The following TUBA1A variants were observed in gnomAD, a reference collection of about 807,000 sequenced individuals.
TUBA1A encodes the protein tubulin alpha-1A chain.
Under a neutral mutation model 34.6 loss-of-function variants are expected in TUBA1A, and 7 were observed. That is an observed-to-expected ratio of 0.20 (90% CI 0.11 to 0.38). The LOEUF is 0.38. TUBA1A is among the 10% of genes least tolerant of loss of function. The pLI is 1.00. For synonymous variants in TUBA1A, 193 were observed against 210.2 expected (o/e 0.92, Z 0.71); for missense variants, 19 against 581.3 (o/e 0.03, Z 9.95).
In TUBA1A at chr12:49,186,238, GA is replaced by G. The variant is rs937598816; in HGVS notation, c.375+71del. 18 of 1,604,752 alleles carry G rather than the reference GA, an allele frequency of 1.1e-5. No homozygotes were observed. The highest frequency in any genetic ancestry group is 2.2e-4 in the Middle Eastern group (1 of 4,486). On this transcript the variant is annotated intron_variant, in intron 3 of 3. Transcript: ENST00000301071. The surrounding 1 kb of genome is among the most constrained non-coding windows in gnomAD (Gnocchi z 6.6). ...AAAATAACAGTTCAATTCTGTGTTTGAAAAAAAAAGCATTATTTCAAATGTG... is the reference window on the plus strand; with the variant it reads ...AAAATAACAGTTCAATTCTGTGTTTGAAAAAAAAGCATTATTTCAAATGTG...
Position 49,187,813 on chromosome 12 carries a change from A to C in TUBA1A, c.4-980T>G, listed in dbSNP as rs1033196016. 5 of 983,582 alleles carry C rather than the reference A, an allele frequency of 5.1e-6. No individual in the cohort carries two copies. The South Asian group carries it at 2.4e-4, about 46-fold the overall frequency. The allele number at this position is 983,582 out of a possible 1,614,324, so 60.9% of individuals were successfully genotyped here. On this transcript the variant is annotated intron_variant, in intron 1 of 3. Transcript: ENST00000301071. ...CATCCTGAGATTCTCTACCCATCAC[A>C]TAATATTCATATTCTTTGCATCCAA...
chr12:49,187,240 A>G, intron 1 of TUBA1A: 1 of 1,113,452 alleles, frequency 9.0e-7, no homozygotes, highest in Non-Finnish European at 1.1e-6. Flanking sequence ...ATAGGACTTG[A>G]TATTATAATC....
In TUBA1A at chr12:49,188,655, G is replaced by A. The variant is rs559861728; in HGVS notation, c.3+322C>T. The A allele has an allele frequency of 1.4e-6, 2 of 1,436,046 alleles. No individual in the cohort carries two copies. Among genetic ancestry groups the A allele is most frequent in the Non-Finnish European group, 1.8e-6 (2 of 1,100,692 alleles). 89.0% of individuals were successfully genotyped at this position (1,436,046 alleles called of 1,614,324 possible). On this transcript the variant is annotated intron_variant, in intron 1 of 3. Transcript: ENST00000301071. This position sits in a 1 kb window ranked among gnomAD's most constrained non-coding sequence, Gnocchi z 4.9. ...GTGCGCACAGACACGGGGCCCAGCCGGGACGCCCCAGACCCCTCGGTCGCG... is the reference window on the plus strand; with the variant it reads ...GTGCGCACAGACACGGGGCCCAGCCAGGACGCCCCAGACCCCTCGGTCGCG...
At position 49,189,059 on chromosome 12, in the gene TUBA1A, C is replaced by A; in HGVS notation, c.-80G>T. 1.9e-6 allele frequency: 3 copies of A among 1,592,460 alleles called. No individual in the cohort carries two copies. Among genetic ancestry groups the A allele is most frequent in the South Asian group, 2.2e-5 (2 of 90,666 alleles). ...TGCTTCTTACAGCGCGACTCTTAGG[C>A]GGTCGATGTAAGAGAACCTGCGGCA... On this transcript the variant is annotated 5_prime_UTR_variant, in exon 1 of 4. Coordinates refer to ENST00000301071, the MANE Select transcript of TUBA1A (RefSeq NM_006009.4).
chr12:49,188,540 A>G lies in TUBA1A; in HGVS notation c.3+437T>C. ...CCTCCCACGTCCCCCAGCTCGCCCA[A>G]CGCCCCCGCTCTTTTTGGGTGCCTC... On this transcript the variant is annotated intron_variant, in intron 1 of 3. Transcript: ENST00000301071. The surrounding 1 kb of genome is among the most constrained non-coding windows in gnomAD (Gnocchi z 4.9). 2.0e-6 allele frequency: 3 copies of G among 1,503,104 alleles called. No homozygotes were observed. The highest frequency in any genetic ancestry group is 2.7e-6 in the Non-Finnish European group (3 of 1,126,610). The allele number at this position is 1,503,104 out of a possible 1,614,324, so 93.1% of individuals were successfully genotyped here. A position where few individuals can be genotyped will look rare whatever the true frequency, so the allele number is the denominator to read the frequency against.
In TUBA1A at chr12:49,184,851, G is replaced by T; in HGVS notation, c.*159C>A. 8.3e-7 allele frequency: 1 copy of T among 1,200,352 alleles called. No homozygotes were observed. The highest frequency in any genetic ancestry group is 1.2e-6 in the Non-Finnish European group (1 of 821,924). The allele number at this position is 1,200,352 out of a possible 1,614,324, so 74.4% of individuals were successfully genotyped here. ...ACCCATCACAGAAATGGACAGCTTG[G>T]GTCTGTAACAAAGCATTCATGTTTT... On this transcript the variant is annotated 3_prime_UTR_variant, in exon 4 of 4. Transcript: ENST00000301071.
Position 49,188,815 on chromosome 12 carries a change from G to T in TUBA1A, c.3+162C>A. The stretch of plus-strand genomic sequence containing the variant: ...CGGTTCCTGCACCCGCACTGCGGCG[G>T]CGGCGGGGCTTGAGGATTTGGGGCT... On this transcript the variant is annotated intron_variant, in intron 1 of 3. Coordinates refer to ENST00000301071, the MANE Select transcript of TUBA1A (RefSeq NM_006009.4). This position sits in a 1 kb window ranked among gnomAD's most constrained non-coding sequence, Gnocchi z 4.9. The T allele has an allele frequency of 6.3e-7, 1 of 1,598,150 alleles. No homozygotes were observed.
chr12:49,185,487 A>G lies in TUBA1A; in HGVS notation c.879T>C (p.Asn293=). 1 of 1,613,926 alleles carries G rather than the reference A, an allele frequency of 6.2e-7. No individual in the cohort carries two copies. The highest frequency in any genetic ancestry group is 8.5e-7 in the Non-Finnish European group (1 of 1,179,946). ...TCTGGTTGGCTGGCTCAAAGCAAGC[A>G]TTGGTGATCTCTGCTACAGAAAGCT... ...HEQLSVAEIT[N]ACFEPANQMV... The change falls in exon 4 of 4, where the codon AAT becomes AAC. Residue 293 remains asparagine, a synonymous_variant. Transcript: ENST00000301071.
Position 49,188,871 on chromosome 12 carries a change from C to G in TUBA1A, c.3+106G>C, listed in dbSNP as rs1164213033. ...AAACCTCACAAAACATACCACCACC[C>G]TCGCCCAGAGAGCTTACGAAAGAAA... On this transcript the variant is annotated intron_variant, in intron 1 of 3. Transcript: ENST00000301071. The surrounding 1 kb of genome is among the most constrained non-coding windows in gnomAD (Gnocchi z 4.9). The G allele has an allele frequency of 1.2e-6, 2 of 1,612,324 alleles. No homozygotes were observed. The highest frequency in any genetic ancestry group is 3.3e-5 in the Admixed American group (2 of 60,020).
At position 49,188,656 on chromosome 12, in the gene TUBA1A, G is replaced by A; in HGVS notation, c.3+321C>T. 7.0e-7 allele frequency: 1 copy of A among 1,436,290 alleles called. No homozygotes were observed. Among genetic ancestry groups the A allele is most frequent in the East Asian group, 2.5e-5 (1 of 39,980 alleles). The allele number at this position is 1,436,290 out of a possible 1,614,324, so 89.0% of individuals were successfully genotyped here. A position where few individuals can be genotyped will look rare whatever the true frequency, so the allele number is the denominator to read the frequency against. ...TGCGCACAGACACGGGGCCCAGCCG[G>A]GACGCCCCAGACCCCTCGGTCGCGG... On this transcript the variant is annotated intron_variant, in intron 1 of 3. Coordinates refer to ENST00000301071, the MANE Select transcript of TUBA1A (RefSeq NM_006009.4). The surrounding 1 kb of genome is among the most constrained non-coding windows in gnomAD (Gnocchi z 4.9).
chr12:49,188,811 G>T lies in TUBA1A; in HGVS notation c.3+166C>A. 1 of 1,585,790 alleles carries T rather than the reference G, an allele frequency of 6.3e-7. No individual in the cohort carries two copies. On this transcript the variant is annotated intron_variant, in intron 1 of 3. Transcript: ENST00000301071. The surrounding 1 kb of genome is among the most constrained non-coding windows in gnomAD (Gnocchi z 4.9). ...GGCCCGGTTCCTGCACCCGCACTGC[G>T]GCGGCGGCGGGGCTTGAGGATTTGG...
chr12:49,188,387 C>T lies in TUBA1A; in HGVS notation c.3+590G>A. 1 of 1,535,692 alleles carries T rather than the reference C, an allele frequency of 6.5e-7. No homozygotes were observed. The highest frequency in any genetic ancestry group is 2.4e-5 in the East Asian group (1 of 40,880). The stretch of plus-strand genomic sequence containing the variant: ...CCCCGCCCCTGCGCCGCCCTGACAC[C>T]CGCTGCCGGGGGCTCCGGCAGAAAC... On this transcript the variant is annotated intron_variant, in intron 1 of 3. Coordinates refer to ENST00000301071, the MANE Select transcript of TUBA1A (RefSeq NM_006009.4). The surrounding 1 kb of genome is among the most constrained non-coding windows in gnomAD (Gnocchi z 4.9).
chr12:49,185,370 A>G lies in TUBA1A; in HGVS notation c.996T>C (p.Ile332=), dbSNP rs148479477. 5.0e-6 allele frequency: 8 copies of G among 1,614,178 alleles called. No homozygotes were observed. Among genetic ancestry groups the G allele is most frequent in the Non-Finnish European group, 6.8e-6 (8 of 1,180,024 alleles). ...DVVPKDVNAA[I]ATIKTKRTIQ... ...TGGTACGCTTGGTCTTGATGGTGGC[A>G]ATGGCAGCATTGACATCTTTGGGAA... Residue 332 remains isoleucine (I), a synonymous_variant, in exon 4 of 4, where the codon ATT becomes ATC. Coordinates refer to ENST00000301071, the MANE Select transcript of TUBA1A (RefSeq NM_006009.4).
In TUBA1A at chr12:49,188,529, C is replaced by A; in HGVS notation, c.3+448G>T. 1 of 1,511,386 alleles carries A rather than the reference C, an allele frequency of 6.6e-7. No individual in the cohort carries two copies. The highest frequency in any genetic ancestry group is 8.8e-7 in the Non-Finnish European group (1 of 1,130,796). 93.6% of individuals were successfully genotyped at this position (1,511,386 alleles called of 1,614,324 possible). ...TTCCCGTTCCCCCTCCCACGTCCCCCAGCTCGCCCAACGCCCCCGCTCTTT... is the reference window on the plus strand; with the variant it reads ...TTCCCGTTCCCCCTCCCACGTCCCCAAGCTCGCCCAACGCCCCCGCTCTTT... On this transcript the variant is annotated intron_variant, in intron 1 of 3. Transcript: ENST00000301071. The surrounding 1 kb of genome is among the most constrained non-coding windows in gnomAD (Gnocchi z 4.9).
At position 49,188,934 on chromosome 12, in the gene TUBA1A, T is replaced by C; in HGVS notation, c.3+43A>G. Reference sequence around the variant, plus strand: ...TTTTCCAAGTAGAGCCTGGGGGCGCTGACTCCACCCAACGGCCACAAAGAG... The same window carrying C: ...TTTTCCAAGTAGAGCCTGGGGGCGCCGACTCCACCCAACGGCCACAAAGAG... On this transcript the variant is annotated intron_variant, in intron 1 of 3. Coordinates refer to ENST00000301071, the MANE Select transcript of TUBA1A (RefSeq NM_006009.4). This position sits in a 1 kb window ranked among gnomAD's most constrained non-coding sequence, Gnocchi z 4.9. 6.2e-7 allele frequency: 1 copy of C among 1,614,166 alleles called. No individual in the cohort carries two copies. Among genetic ancestry groups the C allele is most frequent in the Non-Finnish European group, 8.5e-7 (1 of 1,180,040 alleles).
At position 49,184,843 on chromosome 12, in the gene TUBA1A, A is replaced by G; in HGVS notation, c.*167T>C. 1 of 1,114,300 alleles carries G rather than the reference A, an allele frequency of 9.0e-7. No individual in the cohort carries two copies. Among genetic ancestry groups the G allele is most frequent in the Non-Finnish European group, 1.3e-6 (1 of 753,260 alleles). The allele number at this position is 1,114,300 out of a possible 1,614,324, so 69.0% of individuals were successfully genotyped here. ...TATTCAAAACCCATCACAGAAATGG[A>G]CAGCTTGGGTCTGTAACAAAGCATT... On this transcript the variant is annotated 3_prime_UTR_variant, in exon 4 of 4. Transcript: ENST00000301071.
chr12:49,188,542 G>A lies in TUBA1A; in HGVS notation c.3+435C>T. On this transcript the variant is annotated intron_variant, in intron 1 of 3. Transcript: ENST00000301071. This position sits in a 1 kb window ranked among gnomAD's most constrained non-coding sequence, Gnocchi z 4.9. ...TCCCACGTCCCCCAGCTCGCCCAAC[G>A]CCCCCGCTCTTTTTGGGTGCCTCCT... 1.3e-6 allele frequency: 2 copies of A among 1,498,338 alleles called. No homozygotes were observed. Among genetic ancestry groups the A allele is most frequent in the Non-Finnish European group, 1.8e-6 (2 of 1,124,428 alleles). The allele number at this position is 1,498,338 out of a possible 1,614,324, so 92.8% of individuals were successfully genotyped here.
intron 1 of TUBA1A, chr12:49,187,927 G>A (rs34826477): frequency 1.0e-6 from 1 of 958,514 alleles, no homozygotes; most frequent in Non-Finnish European, 1.2e-6. Flanking sequence ...GGGCGGCGGG[G>A]AAGGGCGTTT....
Position 49,188,850 on chromosome 12 carries a change from C to T in TUBA1A, c.3+127G>A. 6.2e-7 allele frequency: 1 copy of T among 1,609,078 alleles called. No homozygotes were observed. The highest frequency in any genetic ancestry group is 8.5e-7 in the Non-Finnish European group (1 of 1,179,788). On this transcript the variant is annotated intron_variant, in intron 1 of 3. Transcript: ENST00000301071. This position sits in a 1 kb window ranked among gnomAD's most constrained non-coding sequence, Gnocchi z 4.9. ...TTGAGGATTTGGGGCTAAGCTAAACCTCACAAAACATACCACCACCCTCGC... is the reference window on the plus strand; with the variant it reads ...TTGAGGATTTGGGGCTAAGCTAAACTTCACAAAACATACCACCACCCTCGC...
Sources: allele counts gnomAD v4.1 joint callset, GRCh38; gene constraint gnomAD v4.1.1; non-coding constraint Gnocchi (gnomAD v3.1); transcripts MANE v1.5; gene names NCBI Gene and HGNC (gene_info 2026-07-23, HGNC 2026-07-21).